Variants in SHISA7 observed in about 807,000 individuals in gnomAD.
SHISA7 encodes protein shisa-7.
A neutral mutation model predicts 23.9 loss-of-function variants in SHISA7; 6 were observed. That is an observed-to-expected ratio of 0.25 (90% confidence interval 0.14 to 0.50). The LOEUF (loss-of-function observed/expected upper bound fraction) is 0.50, where lower values mean the gene tolerates loss of function less well. Among genes scored for constraint, SHISA7 ranks in the 20% least tolerant of loss-of-function variants. The pLI is 0.98. For synonymous variants in SHISA7, 386 were observed against 398.3 expected (o/e 0.97, Z 0.37); for missense variants, 671 against 801.1 (o/e 0.84, Z 1.96).
intron 2 of SHISA7, 111 bp from the exon 3 acceptor site, chr19:55,437,865 T>G: frequency 7.6e-7 from 1 of 1,316,138 alleles, no homozygotes; most frequent in Non-Finnish European, 1.0e-6. Context: ...ACCCAGCCCC[T>G]CTTCCTTCAG....
Position 55,432,873 on chromosome 19 carries a change from GTCCCTGTGATGACATCA to G in SHISA7, c.*266_*282del. On this transcript the variant is annotated 3_prime_UTR_variant, in exon 4 of 4. Coordinates refer to ENST00000376325, the MANE Select transcript of SHISA7 (RefSeq NM_001145176.2). This position sits in a 1 kb window ranked among gnomAD's most constrained non-coding sequence, Gnocchi z 4.6. Reference sequence around the variant, plus strand: ...GATGACCTCATGGGAACGAGGCTTTGTCCCTGTGATGACATCACAGAACACAGACATTTTTGCTAGTG... The same window carrying G: ...GATGACCTCATGGGAACGAGGCTTTGCAGAACACAGACATTTTTGCTAGTG... The G allele has an allele frequency of 2.4e-6, 1 of 413,764 alleles. No individual in the cohort carries two copies. The highest frequency in any genetic ancestry group is 4.3e-6 in the Non-Finnish European group (1 of 231,570). 25.6% of individuals were successfully genotyped at this position (413,764 alleles called of 1,614,324 possible).
chr19:55,439,509 C>T (rs2123355965), intron 2 of SHISA7, among the ~76,000 whole-genome samples: 1 of 152,320 alleles, frequency 6.6e-6, no homozygotes, highest in Middle Eastern at 3.4e-3. Flanking sequence ...CTCCGCAGCT[C>T]TCCATCACCC....
intron 2 of SHISA7, among the ~76,000 whole-genome samples, chr19:55,438,045 C>T (rs1373555459): frequency 6.8e-6 from 1 of 146,042 alleles, no homozygotes; most frequent in Non-Finnish European, 1.5e-5. Flanking sequence ...GGCCCCCAGC[C>T]CCTCCTCCCT....
intron 3 of SHISA7, among the ~76,000 whole-genome samples, chr19:55,434,306 T>G (rs1320475390): frequency 9.9e-6 from 1 of 101,498 alleles, no homozygotes; most frequent in Non-Finnish European, 2.0e-5. Context: ...ATGTGGTGTG[T>G]GTGTGGTGTG....
chr19:55,435,215 GGTGT>G (rs530307737), intron 3 of SHISA7, among the ~76,000 whole-genome samples: 26 of 133,306 alleles, frequency 2.0e-4, no homozygotes, highest in East Asian at 1.9e-3. Flanking sequence ...GTGTGTGTAT[GGTGT>G]GTGTGTATGT....
Position 55,442,730 on chromosome 19 carries a change from C to G in SHISA7, c.134G>C (p.Gly45Ala). Residue 45 changes from glycine to alanine, a missense_variant, in exon 1 of 4, where the codon GGG (glycine) becomes GCG (alanine). By Grantham distance (60) the Gly-to-Ala change is moderately conservative. This residue lies in a region of SHISA7 where 96 missense variants were observed against 113.1 expected (regional missense o/e 0.85). Coordinates refer to ENST00000376325, the MANE Select transcript of SHISA7 (RefSeq NM_001145176.2). ...CGCGCCCCCGCCGCCCGTCAGCGCC[C>G]CGGTCAGGCGCCGCAGGTGCGCCAG... ...ALLAHLRRLT[G>A]ALTGGGGAAS... 1 of 1,050,218 alleles carries G rather than the reference C, an allele frequency of 9.5e-7. No individual in the cohort carries two copies. The allele number at this position is 1,050,218 out of a possible 1,614,324, so 65.1% of individuals were successfully genotyped here. A position where few individuals can be genotyped will look rare whatever the true frequency, so the allele number is the denominator to read the frequency against.
In SHISA7 at chr19:55,433,184, G is replaced by T. The variant is rs1985252170; in HGVS notation, c.1589C>A (p.Thr530Lys). Reference protein sequence around the residue: ...PGHHLPQHLRTASKNEVTV With the variant: ...PGHHLPQHLRKASKNEVTV ...GACAGTCACCTCGTTCTTGCTGGCC[G>T]TGCGCAGGTGCTGGGGCAGGTGGTG... The change falls in exon 4 of 4, where the codon ACG becomes AAG. Residue 530 changes from threonine (T) to lysine (K), a missense_variant. By Grantham distance (78) the Thr-to-Lys change is moderately conservative. This residue lies in a region of SHISA7 where 457 missense variants were observed against 488.3 expected (regional missense o/e 0.94). Coordinates refer to ENST00000376325, the MANE Select transcript of SHISA7 (RefSeq NM_001145176.2). The surrounding 1 kb of genome is among the most constrained non-coding windows in gnomAD (Gnocchi z 8.4). 3 of 1,527,464 alleles carry T rather than the reference G, an allele frequency of 2.0e-6. No homozygotes were observed. The African/African-American group carries it at 4.2e-5, about 22-fold the overall frequency. The allele number at this position is 1,527,464 out of a possible 1,614,324, so 94.6% of individuals were successfully genotyped here. A position where few individuals can be genotyped will look rare whatever the true frequency, so the allele number is the denominator to read the frequency against.
At position 55,440,492 on chromosome 19, in the gene SHISA7, C is replaced by A. The variant is rs536197908; in HGVS notation, c.826+119G>T. 8 of 955,536 alleles carry A rather than the reference C, an allele frequency of 8.4e-6. No homozygotes were observed. The South Asian group carries it at 3.8e-4, about 45-fold the overall frequency. The allele number at this position is 955,536 out of a possible 1,614,324, so 59.2% of individuals were successfully genotyped here. A position where few individuals can be genotyped will look rare whatever the true frequency, so the allele number is the denominator to read the frequency against. Reference sequence around the variant, plus strand: ...GCAGGACCCGGCAGTGCAAGGCGGGCGTAGGGGGTGAGGGCGGGTCCTGGG... The same window carrying A: ...GCAGGACCCGGCAGTGCAAGGCGGGAGTAGGGGGTGAGGGCGGGTCCTGGG... On this transcript the variant is annotated intron_variant, in intron 2 of 3. Coordinates refer to ENST00000376325, the MANE Select transcript of SHISA7 (RefSeq NM_001145176.2).
At chr19:55,436,586 AGAGT>A (rs1322074627) in intron 3 of SHISA7, among the ~76,000 whole-genome samples, 1 of 150,852 alleles carries the variant, frequency 6.6e-6, no homozygotes, top group Non-Finnish European at 1.5e-5. Flanking sequence ...CTGAGCGACA[AGAGT>A]GAGACTCTGT....
At position 55,433,041 on chromosome 19, in the gene SHISA7, C is replaced by T. The variant is rs902106114; in HGVS notation, c.*115G>A. The T allele has an allele frequency of 1.0e-5, 13 of 1,278,050 alleles. No individual in the cohort carries two copies. Among genetic ancestry groups the T allele is most frequent in the South Asian group, 3.3e-5 (2 of 59,776 alleles). 79.2% of individuals were successfully genotyped at this position (1,278,050 alleles called of 1,614,324 possible). On this transcript the variant is annotated 3_prime_UTR_variant, in exon 4 of 4. Coordinates refer to ENST00000376325, the MANE Select transcript of SHISA7 (RefSeq NM_001145176.2). The surrounding 1 kb of genome is among the most constrained non-coding windows in gnomAD (Gnocchi z 8.4). ...ACATCCCAGAAGGAGGCTTTCACTC[C>T]TGTCCAAGGGCCGATCTGGGCCCCA...
At chr19:55,441,489 G>C (rs1349909628) in intron 1 of SHISA7, among the ~76,000 whole-genome samples, 1 of 152,212 alleles carries the variant, frequency 6.6e-6, no homozygotes, top group African/African-American at 2.4e-5. Flanking sequence ...GCCACCGAGG[G>C]CCTTTGCACG....
At chr19:55,435,854 G>A (rs1193238539) in intron 3 of SHISA7, among the ~76,000 whole-genome samples, 1 of 151,922 alleles carries the variant, frequency 6.6e-6, no homozygotes, top group African/African-American at 2.4e-5. Flanking sequence ...TGAGTGATGG[G>A]AACATGGGAC....
chr19:55,434,640 T>TTGTGTGTATGGTGTGTGTGGTG (rs1985341884), intron 3 of SHISA7, among the ~76,000 whole-genome samples: 1 of 74,694 alleles, frequency 1.3e-5, no homozygotes, highest in Non-Finnish European at 2.7e-5. Flanking sequence ...GTGTGTGTGG[T>TTGTGTGTATGGTGTGTGTGGTG]TGTGTGTATG....
rs112677462 is a variant in SHISA7 at position 55,443,032 on chromosome 19, C to A, written c.-169G>T. On this transcript the variant is annotated 5_prime_UTR_variant, in exon 1 of 4. Transcript: ENST00000376325. ...GCGGCAGAGTGTGGGGAGCAACAGG[C>A]GCCAGGAGGCAGGAAGGGCGGAGGG... 6.7e-6 allele frequency among the ~76,000 whole-genome samples: 1 copy of A among 150,306 alleles called. No individual in the cohort carries two copies. The highest frequency in any genetic ancestry group is 2.0e-4 in the East Asian group (1 of 4,938).
chr19:55,442,267 C>T lies in SHISA7; in HGVS notation c.597G>A (p.Val199=), dbSNP rs1393901381. Reference sequence around the variant, plus strand: ...TGAAGGCCACTTTGGCGCCGACGCCCACGGCCAGGGCGAAGCTGATGACCC... The same window carrying T: ...TGAAGGCCACTTTGGCGCCGACGCCTACGGCCAGGGCGAAGCTGATGACCC... ...VCGVISFALA[V]GVGAKVAFSK... Residue 199 remains valine (V), a synonymous_variant, in exon 1 of 4, where the codon GTG becomes GTA. Coordinates refer to ENST00000376325, the MANE Select transcript of SHISA7 (RefSeq NM_001145176.2). 6.5e-7 allele frequency: 1 copy of T among 1,533,824 alleles called. No individual in the cohort carries two copies. The highest frequency in any genetic ancestry group is 8.7e-7 in the Non-Finnish European group (1 of 1,145,884).
intron 3 of SHISA7, among the ~76,000 whole-genome samples, chr19:55,435,400 G>GTGTGTGTGTGTGTGT (rs1568451311): frequency 7.0e-5 from 5 of 71,840 alleles, no homozygotes; most frequent in Non-Finnish European, 2.6e-5. Flanking sequence ...TGTGTGTGTG[G>GTGTGTGTGTGTGTGT]GTGTGTGTTG....
Position 55,433,598 on chromosome 19 carries a change from T to G in SHISA7, c.1175A>C (p.Asp392Ala), listed in dbSNP as rs1296757392. The G allele has an allele frequency of 4.7e-6, 7 of 1,497,736 alleles. No homozygotes were observed. Among genetic ancestry groups the G allele is most frequent in the Non-Finnish European group, 6.2e-6 (7 of 1,129,912 alleles). The allele number at this position is 1,497,736 out of a possible 1,614,324, so 92.8% of individuals were successfully genotyped here. A position where few individuals can be genotyped will look rare whatever the true frequency, so the allele number is the denominator to read the frequency against. ...GAACTCGTAGCGCGAACGGCCACCA[T>G]CGCCCAGCAGGTGCTCCTGGGACAT... ...RVMSQEHLLG[D>A]GGRSRYEFTL... Residue 392 changes from aspartate to alanine, a missense_variant, in exon 4 of 4, where the codon GAT becomes GCT. Asp to Ala is a moderately radical substitution (Grantham distance 126, BLOSUM62 -2). This residue lies in a region of SHISA7 where 457 missense variants were observed against 488.3 expected (regional missense o/e 0.94). Transcript: ENST00000376325. This position sits in a 1 kb window ranked among gnomAD's most constrained non-coding sequence, Gnocchi z 8.4.
chr19:55,437,480 G>C, intron 3 of SHISA7, 125 bp downstream of exon 3: 4 of 1,247,296 alleles, frequency 3.2e-6, no homozygotes, highest in Non-Finnish European at 3.2e-6. Context: ...GAACGAACTT[G>C]GAGTAAAACC....
chr19:55,434,811 CATG>C (rs1985362667), intron 3 of SHISA7, among the ~76,000 whole-genome samples: 1 of 25,464 alleles, frequency 3.9e-5, no homozygotes, highest in Non-Finnish European at 7.1e-5. Flanking sequence ...TGCGTGTGTG[CATG>C]GTGTGTATGT....
Sources: allele counts gnomAD v4.1 joint callset (sites outside exome capture counted in the v4.1 genomes callset), GRCh38; gene constraint gnomAD v4.1.1; regional missense constraint gnomAD v4.1.1; non-coding constraint Gnocchi (gnomAD v3.1); transcripts MANE v1.5; gene names NCBI Gene and HGNC (gene_info 2026-07-23, HGNC 2026-07-21).